Variants in TSHZ2 observed in about 807,000 individuals in gnomAD.
TSHZ2 encodes teashirt zinc finger homeobox 2, also known as teashirt homolog 2.
A neutral mutation model predicts 74.4 loss-of-function variants in TSHZ2; 21 were observed. That is an observed-to-expected ratio of 0.28 (90% CI 0.20 to 0.41). The LOEUF is 0.41. Among genes scored for constraint, TSHZ2 ranks in the 10% least tolerant of loss-of-function variants. The probability of loss-of-function intolerance (pLI) is 1.00; values close to 1 mark genes in which losing one functional copy is unlikely to be tolerated. For missense variants in TSHZ2, 1,244 were observed against 1,293.5 expected (o/e 0.96, Z 0.59); for synonymous variants, 540 against 515.3 (o/e 1.05, Z -0.65).
rs139066954 is a variant in TSHZ2, at chr20:53,380,590, T to G, written c.*9-106554T>G. On this transcript the variant is annotated intron_variant, in intron 2 of 2. Coordinates refer to ENST00000371497, the MANE Select transcript of TSHZ2 (RefSeq NM_173485.6). The stretch of plus-strand genomic sequence containing the variant: ...GGAGGAGCTTGCATCCTTCATTTAA[T>G]AAAATCCAACAAAGACAGTAAAAAG... 5.5e-3 allele frequency among the ~76,000 whole-genome samples: 840 copies of G among 152,266 alleles called. 9 individuals are homozygous for G. Among genetic ancestry groups the G allele is most frequent in the African/African-American group, 0.019 (808 of 41,554 alleles).
intron 1 of TSHZ2, among the ~76,000 whole-genome samples, chr20:53,003,953 G>A (rs756852836): frequency 1.0e-4 from 15 of 150,540 alleles, no homozygotes; most frequent in Non-Finnish European, 1.8e-4. Flanking sequence ...CACATGGACA[G>A]TATGCATCCT....
rs116515468 is a variant in TSHZ2, at chr20:53,135,950, G to A, written c.41-117549G>A. On this transcript the variant is annotated intron_variant, in intron 1 of 2. Coordinates refer to ENST00000371497, the MANE Select transcript of TSHZ2 (RefSeq NM_173485.6). ...TACTTCAGTTTTAGGTAGTGTATTC[G>A]TGTGCTTTCTGTTGCTTATAACAGA... Among the ~76,000 whole-genome samples the A allele has an allele frequency of 4.6e-3, 704 of 152,250 alleles. 6 individuals carry two copies. Among genetic ancestry groups the A allele is most frequent in the African/African-American group, 0.016 (657 of 41,534 alleles).
chr20:53,322,406 A>G (rs1269299055), intron 2 of TSHZ2, among the ~76,000 whole-genome samples: 6 of 152,054 alleles, frequency 3.9e-5, no homozygotes, highest in Non-Finnish European at 8.8e-5. Context: ...CCAGCTACTC[A>G]GGAGGCTGAA....
chr20:53,346,314 T>C (rs547666757), intron 2 of TSHZ2, among the ~76,000 whole-genome samples: 1 of 152,266 alleles, frequency 6.6e-6, no homozygotes, highest in Admixed American at 6.5e-5. Flanking sequence ...AATTTTTTGA[T>C]GGATTGATTT....
chr20:52,986,562 C>G (rs984247354), intron 1 of TSHZ2, among the ~76,000 whole-genome samples: 3 of 151,806 alleles, frequency 2.0e-5, no homozygotes, highest in Non-Finnish European at 2.9e-5. Flanking sequence ...AACCCCATCT[C>G]TACTAAAAAT....
chr20:53,007,146 G>A (rs946325977), intron 1 of TSHZ2, among the ~76,000 whole-genome samples: 2 of 152,268 alleles, frequency 1.3e-5, no homozygotes, highest in Middle Eastern at 3.4e-3. Flanking sequence ...CCCTGAGGAG[G>A]TGGCATTGAA....
At chr20:53,466,974 A>G (rs1235185569) in intron 2 of TSHZ2, among the ~76,000 whole-genome samples, 3 of 152,256 alleles carry the variant, frequency 2.0e-5, no homozygotes, top group African/African-American at 7.2e-5. Context: ...GGCAGACCTA[A>G]GCCCAAAGGC....
intron 2 of TSHZ2, among the ~76,000 whole-genome samples, chr20:53,457,769 AG>A (rs1985163017): frequency 6.6e-6 from 1 of 151,756 alleles, no homozygotes; most frequent in African/African-American, 2.4e-5. Flanking sequence ...TTAGCATGAA[AG>A]GTTGTTGAAT....
chr20:53,354,304 C>T (rs946632258), intron 2 of TSHZ2, among the ~76,000 whole-genome samples: 4 of 152,160 alleles, frequency 2.6e-5, no homozygotes, highest in African/African-American at 9.7e-5. Flanking sequence ...ATCTGGTTTG[C>T]CCCTCAAGTG....
At chr20:53,062,641 A>T (rs1600671496) in intron 1 of TSHZ2, among the ~76,000 whole-genome samples, 1 of 152,218 alleles carries the variant, frequency 6.6e-6, no homozygotes, top group East Asian at 1.9e-4. Flanking sequence ...CTTTGGCTTA[A>T]GGGAATGTTG....
rs762374800 is a variant in TSHZ2 at position 53,489,103 on chromosome 20, A to G, written c.*1968A>G. 109 of 456,184 alleles carry G rather than the reference A, an allele frequency of 2.4e-4. No individual in the cohort carries two copies. Among genetic ancestry groups the G allele is most frequent in the African/African-American group, 1.9e-3 (94 of 50,086 alleles). 28.3% of individuals were successfully genotyped at this position (456,184 alleles called of 1,614,324 possible). On this transcript the variant is annotated 3_prime_UTR_variant, in exon 3 of 3. Transcript: ENST00000371497. ...AGTGTCAGCACTCATCCATCAATCA[A>G]TCACCCACAAGGAAAAATAGCAACA...
intron 2 of TSHZ2, among the ~76,000 whole-genome samples, chr20:53,363,574 T>G (rs1462698293): frequency 6.6e-6 from 1 of 152,258 alleles, no homozygotes; most frequent in Non-Finnish European, 1.5e-5. Context: ...CTCCAGGGGA[T>G]GCAGAGGAGA....
At chr20:53,054,979 A>T (rs1270816455) in intron 1 of TSHZ2, among the ~76,000 whole-genome samples, 1 of 152,184 alleles carries the variant, frequency 6.6e-6, no homozygotes, top group Non-Finnish European at 1.5e-5. Context: ...AGTTCTCTCA[A>T]GGGAAGCCAG....
intron 1 of TSHZ2, among the ~76,000 whole-genome samples, chr20:53,047,827 TCCATGCATGGAGTGCATACC>T (rs1403397603): frequency 6.6e-6 from 1 of 152,118 alleles, no homozygotes; most frequent in African/African-American, 2.4e-5. Flanking sequence ...CAAAATAGGT[TCCATGCATGGAGTGCATACC>T]CCATGCATGG....
intron 1 of TSHZ2, among the ~76,000 whole-genome samples, chr20:53,175,021 T>A (rs1021331839): frequency 6.6e-6 from 1 of 152,104 alleles, no homozygotes; most frequent in African/African-American, 2.4e-5. Flanking sequence ...GATGAGTTTC[T>A]GTTTGCTGGC....
intron 1 of TSHZ2, among the ~76,000 whole-genome samples, chr20:53,224,869 A>G (rs1209315150): frequency 6.6e-6 from 1 of 151,980 alleles, no homozygotes; most frequent in Non-Finnish European, 1.5e-5. Flanking sequence ...AAAAAAAAAA[A>G]AGAACTTAAT....
chr20:53,293,781 G>C (rs759979002), intron 2 of TSHZ2, among the ~76,000 whole-genome samples: 5 of 151,660 alleles, frequency 3.3e-5, no homozygotes, highest in Admixed American at 6.6e-5. Flanking sequence ...ACTTTGGGAA[G>C]CCAAGGCTGG....
At chr20:53,068,746 A>T (rs1337939161) in intron 1 of TSHZ2, among the ~76,000 whole-genome samples, 1 of 152,226 alleles carries the variant, frequency 6.6e-6, no homozygotes, top group Non-Finnish European at 1.5e-5. Context: ...TGGTTGGTTA[A>T]GTCCCATAGG....
intron 1 of TSHZ2, among the ~76,000 whole-genome samples, chr20:53,125,914 T>C (rs1241866779): frequency 6.6e-6 from 1 of 152,252 alleles, no homozygotes; most frequent in East Asian, 1.9e-4. Context: ...TTATGATTTG[T>C]ATTGGTGCTA....
Sources: allele counts gnomAD v4.1 joint callset (sites outside exome capture counted in the v4.1 genomes callset), GRCh38; gene constraint gnomAD v4.1.1; transcripts MANE v1.5; gene names NCBI Gene and HGNC (gene_info 2026-07-23, HGNC 2026-07-21).